The following GATA4 variants were observed in gnomAD, a reference collection of about 807,000 sequenced individuals.
GATA4 encodes GATA binding protein 4.
Under a neutral mutation model 37.9 loss-of-function variants are expected in GATA4, and 7 were observed. The ratio of observed to expected loss-of-function variants is 0.18; its 90% CI spans 0.11 to 0.35. The LOEUF is 0.35. Ranked by LOEUF, GATA4 falls within the 10% of genes least tolerant of loss-of-function variation. The pLI is 1.00. For missense variants in GATA4, 647 were observed against 653.0 expected, an observed-to-expected ratio of 0.99 and a Z score of 0.10; for synonymous variants, 372 against 292.6, an observed-to-expected ratio of 1.27 and a Z score of -2.77.
upstream of GATA4, among the ~76,000 whole-genome samples, chr8:11,690,597 A>G (rs1799278692): frequency 6.6e-6 from 1 of 152,214 alleles, no homozygotes; most frequent in Non-Finnish European, 1.5e-5. Flanking sequence ...GCTCTGGCTC[A>G]GGGCTGTAAT....
intron 2 of GATA4, among the ~76,000 whole-genome samples, chr8:11,719,414 A>G (rs1317019987): frequency 1.3e-5 from 2 of 152,208 alleles, no homozygotes; most frequent in African/African-American, 2.4e-5. Context: ...GAGTGCACAG[A>G]TGTAGGAAAA....
chr8:11,677,225 G>A (rs1798813894), intron 1 of GATA4, among the ~76,000 whole-genome samples: 1 of 152,234 alleles, frequency 6.6e-6, no homozygotes, highest in Non-Finnish European at 1.5e-5. Flanking sequence ...GTGGGGCCGA[G>A]GCGGAGGCTG....
intron 1 of GATA4, among the ~76,000 whole-genome samples, chr8:11,693,545 A>T (rs900448707): frequency 1.7e-5 from 2 of 115,158 alleles, no homozygotes; most frequent in East Asian, 7.5e-4. Context: ...ACACACACAC[A>T]CACACACACA....
intron 1 of GATA4, chr8:11,697,718 A>C: frequency 1.0e-6 from 1 of 985,222 alleles, no homozygotes; most frequent in Non-Finnish European, 1.2e-6. Flanking sequence ...CGCTTCCTTG[A>C]CACTTTCCTG....
Position 11,758,617 on chromosome 8 carries a change from A to G in GATA4, c.*142A>G, listed in dbSNP as rs1323516767. Reference sequence around the variant, plus strand: ...ACAACTGGGAAGAAACTTGAAGTCGACAATCTGGTTAGGGGAAGCGGGTGT... The same window carrying G: ...ACAACTGGGAAGAAACTTGAAGTCGGCAATCTGGTTAGGGGAAGCGGGTGT... On this transcript the variant is annotated 3_prime_UTR_variant, in exon 7 of 7. Transcript: ENST00000532059. The G allele has an allele frequency of 1.3e-5, 11 of 821,226 alleles. No individual in the cohort carries two copies. Among genetic ancestry groups the G allele is most frequent in the Admixed American group, 2.0e-5 (1 of 50,256 alleles). 50.9% of individuals were successfully genotyped at this position (821,226 alleles called of 1,614,324 possible). A position where few individuals can be genotyped will look rare whatever the true frequency, so the allele number is the denominator to read the frequency against.
chr8:11,712,690 T>TTAA (rs1554489579), intron 2 of GATA4, among the ~76,000 whole-genome samples: 1 of 93,002 alleles, frequency 1.1e-5, no homozygotes. Context: ...ACCACATCTC[T>TTAA]AAAAAAAAAA....
At chr8:11,679,184 G>A (rs1563181946) in intron 1 of GATA4, among the ~76,000 whole-genome samples, 1 of 148,178 alleles carries the variant, frequency 6.7e-6, no homozygotes, top group African/African-American at 2.4e-5. Flanking sequence ...AATTGCGGGG[G>A]GGGGCACTTT....
At chr8:11,676,954 G>A (rs1472142849), upstream of GATA4, 1 of 152,264 alleles carries the variant, frequency 6.6e-6, no homozygotes, top group African/African-American at 2.4e-5. Flanking sequence ...TGGGAGACAC[G>A]GCTCACAACG....
chr8:11,695,234 C>A (rs1191030801), intron 1 of GATA4, among the ~76,000 whole-genome samples: 1 of 152,002 alleles, frequency 6.6e-6, no homozygotes, highest in African/African-American at 2.4e-5. Flanking sequence ...GGAGAAACCC[C>A]GTCTCTATTA....
At position 11,684,314 on chromosome 8, in the gene GATA4, G is replaced by A. The variant is rs553622384; in HGVS notation, c.-274+7251G>A. Among the ~76,000 whole-genome samples, 73 of 152,352 alleles carry A rather than the reference G, an allele frequency of 4.8e-4. 2 individuals are homozygous for A. The South Asian group carries it at 0.013, about 28-fold the overall frequency. ...CTAGTTCCCACACAAACACCTACAA[G>A]CTGGGTGACCTTGAGTAAGTTATTT... On this transcript the variant is annotated intron_variant, in intron 1 of 6. Transcript: ENST00000528712.
intron 2 of GATA4, among the ~76,000 whole-genome samples, chr8:11,732,490 A>G (rs1181918510): frequency 6.6e-6 from 1 of 152,248 alleles, no homozygotes; most frequent in Admixed American, 6.5e-5. Flanking sequence ...GCAACAAAAC[A>G]AAACAGAAGG....
At chr8:11,689,960 T>A (rs1799257838), upstream of GATA4, among the ~76,000 whole-genome samples, 1 of 152,224 alleles carries the variant, frequency 6.6e-6, no homozygotes, top group African/African-American at 2.4e-5. Context: ...GTCCTGGCTG[T>A]GCTGGTAAAT....
upstream of GATA4, among the ~76,000 whole-genome samples, chr8:11,701,068 A>G (rs976600924): frequency 2.6e-5 from 4 of 152,152 alleles, no homozygotes; most frequent in African/African-American, 9.7e-5. Context: ...CGCAGCGTAC[A>G]ATTTGCCTCT....
At chr8:11,743,000 C>G (rs936055093) in intron 2 of GATA4, among the ~76,000 whole-genome samples, 1 of 152,228 alleles carries the variant, frequency 6.6e-6, no homozygotes, top group South Asian at 2.1e-4. Context: ...CCAAGAAAGC[C>G]TTCTGTGTTG....
chr8:11,706,228 T>C (rs1799882993), intron 1 of GATA4, among the ~76,000 whole-genome samples: 1 of 152,236 alleles, frequency 6.6e-6, no homozygotes, highest in Non-Finnish European at 1.5e-5. Flanking sequence ...ACAGTACTAT[T>C]CCATTATTAT....
chr8:11,701,022 G>T (rs1394760610), upstream of GATA4, among the ~76,000 whole-genome samples: 1 of 152,106 alleles, frequency 6.6e-6, no homozygotes, highest in African/African-American at 2.4e-5. Flanking sequence ...TTTATTTTTG[G>T]GGGGAACCAG....
At chr8:11,753,659 G>A (rs973415160) in intron 4 of GATA4, among the ~76,000 whole-genome samples, 1 of 152,096 alleles carries the variant, frequency 6.6e-6, no homozygotes, top group African/African-American at 2.4e-5. Flanking sequence ...GAGTCACAGA[G>A]AGATGTGCAG....
At chr8:11,710,268 G>C (rs1156961959) in intron 2 of GATA4, among the ~76,000 whole-genome samples, 1 of 152,144 alleles carries the variant, frequency 6.6e-6, no homozygotes, top group East Asian at 1.9e-4. Context: ...CCTCTTGGGG[G>C]AGCCAGACGG....
intron 1 of GATA4, among the ~76,000 whole-genome samples, chr8:11,679,649 G>A (rs1798890895): frequency 1.3e-5 from 2 of 152,342 alleles, no homozygotes; most frequent in East Asian, 3.9e-4. Context: ...CCAAGCACCC[G>A]CGGCCTTAAA....
Sources: allele counts gnomAD v4.1 joint callset (sites outside exome capture counted in the v4.1 genomes callset), GRCh38; gene constraint gnomAD v4.1.1; transcripts MANE v1.5; gene names NCBI Gene and HGNC (gene_info 2026-07-23, HGNC 2026-07-21).